USP47: variants seen among roughly 807,000 people sequenced by gnomAD.
USP47 encodes ubiquitin carboxyl-terminal hydrolase 47.
Under a neutral mutation model 165.1 loss-of-function variants are expected in USP47, and 35 were observed. The observed-to-expected ratio is 0.21, with a 90% CI of 0.16 to 0.28. The LOEUF (loss-of-function observed/expected upper bound fraction) is 0.28. Ranked by LOEUF, USP47 falls within the 10% of genes least tolerant of loss-of-function variation. USP47 has a pLI of 1.00. For missense variants in USP47, 1,277 were observed against 1,607.4 expected (o/e 0.79, Z 3.52); for synonymous variants, 531 against 544.5 (o/e 0.98, Z 0.35).
chr11:11,914,917 T>C (rs190843533), intron 8 of USP47, among the ~76,000 whole-genome samples: 15 of 152,304 alleles, frequency 9.8e-5, no homozygotes, highest in East Asian at 1.9e-4. Context: ...TGAAATGTTA[T>C]GGGTAGTTTC....
intron 25 of USP47, among the ~76,000 whole-genome samples, chr11:11,953,300 A>C (rs1179442570): frequency 6.6e-6 from 1 of 152,202 alleles, no homozygotes; most frequent in African/African-American, 2.4e-5. Flanking sequence ...GGAAAGGGTG[A>C]ATTAGTCAAT....
chr11:11,905,477 C>T lies in USP47; in HGVS notation c.898C>T (p.Arg300Ter). ...TCTGGAATGTGGTTATGAGGGCTGG[C>T]GAATCGACACATATCTTGATATTCC... ...RCLECGYEGWRIDTYLDIPLV... is the reference protein window; with the variant it reads ...RCLECGYEGW The change falls in exon 8 of 28, where the codon CGA (arginine) becomes TGA (stop). Residue 300 changes from arginine (R) to a stop codon, truncating the protein, a stop_gained. Transcript: ENST00000527733. LOFTEE classifies it high-confidence loss of function. The T allele has an allele frequency of 6.2e-7, 1 of 1,610,262 alleles. No individual in the cohort carries two copies. Among genetic ancestry groups the T allele is most frequent in the Non-Finnish European group, 8.5e-7 (1 of 1,177,422 alleles).
chr11:11,857,736 G>A lies in USP47; in HGVS notation c.39+15512G>A, dbSNP rs147260021. ...CTTTGCAGACCCCTACCTTTTCTGC[G>A]TGGCAGATGGAAAATTGAAAGTACC... is the stretch of plus-strand genomic sequence containing the variant. On this transcript the variant is annotated intron_variant, in intron 1 of 27. Transcript: ENST00000527733. 5.4e-4 allele frequency among the ~76,000 whole-genome samples: 82 copies of A among 152,298 alleles called. 1 individual carries two copies. The highest frequency in any genetic ancestry group is 1.9e-3 in the African/African-American group (77 of 41,562).
Position 11,905,526 on chromosome 11 carries a change from C to A in USP47, c.947C>A (p.Ser316Tyr). Residue 316 changes from serine (S) to tyrosine (Y), a missense_variant, in exon 8 of 28, where the codon TCC (serine) becomes TAC (tyrosine). Physicochemically the swap from Ser to Tyr is moderately radical, Grantham distance 144 (BLOSUM62 -2). Coordinates refer to ENST00000527733, the MANE Select transcript of USP47 (RefSeq NM_001282659.2). ...CCATTGGTCATCCGACCTTATGGGT[C>A]CAGCCAAGCATTTGCTAGTGTGGTG... ...DIPLVIRPYG[S>Y]SQAFASVEEA... 1 of 1,607,226 alleles carries A rather than the reference C, an allele frequency of 6.2e-7. No individual in the cohort carries two copies. The highest frequency in any genetic ancestry group is 8.5e-7 in the Non-Finnish European group (1 of 1,175,320).
At chr11:11,934,585 T>G (rs1298794476) in intron 16 of USP47, among the ~76,000 whole-genome samples, 1 of 152,118 alleles carries the variant, frequency 6.6e-6, no homozygotes, top group Admixed American at 6.6e-5. Flanking sequence ...GCAAAAGTGC[T>G]GAGGTGAGGA....
intron 8 of USP47, among the ~76,000 whole-genome samples, chr11:11,919,749 T>G (rs1853692162): frequency 6.6e-6 from 1 of 151,904 alleles, no homozygotes; most frequent in Admixed American, 6.6e-5. Context: ...TAGAGAACAT[T>G]GATATTTACT....
At chr11:11,916,962 C>T (rs1853466741) in intron 8 of USP47, among the ~76,000 whole-genome samples, 1 of 145,304 alleles carries the variant, frequency 6.9e-6, no homozygotes, top group African/African-American at 2.9e-5. Context: ...CCAGTTTGGG[C>T]AACATATTGA....
At chr11:11,936,124 C>A (rs1363773196) in intron 16 of USP47, among the ~76,000 whole-genome samples, 179 bp from the exon 17 acceptor site, 1 of 151,534 alleles carries the variant, frequency 6.6e-6, no homozygotes. Flanking sequence ...TTAAAAATAA[C>A]ATTTAAGTTG....
At chr11:11,871,649 A>C (rs1414884572) in intron 1 of USP47, among the ~76,000 whole-genome samples, 1 of 151,966 alleles carries the variant, frequency 6.6e-6, no homozygotes, top group African/African-American at 2.4e-5. Context: ...AAATCAGCCA[A>C]ACACTCTAGG....
chr11:11,901,732 G>A (rs1284113253), intron 5 of USP47, among the ~76,000 whole-genome samples: 1 of 152,112 alleles, frequency 6.6e-6, no homozygotes, highest in African/African-American at 2.4e-5. Context: ...GCAGAGGTGG[G>A]TGGATCACTT....
rs371299353 is a variant in USP47 at position 11,901,882 on chromosome 11, C to G, written c.594-833C>G. Among the ~76,000 whole-genome samples the G allele has an allele frequency of 2.3e-4, 35 of 151,284 alleles. No homozygotes were observed. The South Asian group carries it at 7.3e-3, about 32-fold the overall frequency. ...GCTGAGACAGGAGAATCGCTTAAAACCAGGAGGCAGAGATTGCAGTGAGCC... is the reference window on the plus strand; with the variant it reads ...GCTGAGACAGGAGAATCGCTTAAAAGCAGGAGGCAGAGATTGCAGTGAGCC... On this transcript the variant is annotated intron_variant, in intron 5 of 27. Transcript: ENST00000527733.
chr11:11,842,879 C>T (rs79265814), intron 1 of USP47, among the ~76,000 whole-genome samples: 1,565 of 145,498 alleles, frequency 0.011, 22 homozygotes, highest in African/African-American at 0.028. Context: ...GTTGTGTATG[C>T]CAATTTGAGT....
intron 4 of USP47, among the ~76,000 whole-genome samples, chr11:11,896,278 A>G (rs1461369489): frequency 6.6e-6 from 1 of 152,218 alleles, no homozygotes; most frequent in Non-Finnish European, 1.5e-5. Flanking sequence ...AAGGGAAACA[A>G]GGTCACAAAC....
intron 8 of USP47, among the ~76,000 whole-genome samples, chr11:11,911,955 A>G (rs1853027517): frequency 6.6e-6 from 1 of 152,142 alleles, no homozygotes; most frequent in Non-Finnish European, 1.5e-5. Flanking sequence ...AACACTTGGG[A>G]AATAACACTT....
In USP47 at chr11:11,959,593, G is replaced by A. The variant is rs905480549; in HGVS notation, c.*3418G>A. Among the ~76,000 whole-genome samples, 25 of 152,200 alleles carry A rather than the reference G, an allele frequency of 1.6e-4. No individual in the cohort carries two copies. The highest frequency in any genetic ancestry group is 6.0e-4 in the African/African-American group (25 of 41,438). ...GGCTGTGATCATTTGGTTAGATACAGCATTAATTGTCACAACTTGACTTTC... is the reference window on the plus strand; with the variant it reads ...GGCTGTGATCATTTGGTTAGATACAACATTAATTGTCACAACTTGACTTTC... On this transcript the variant is annotated 3_prime_UTR_variant, in exon 28 of 28. Transcript: ENST00000527733.
intron 14 of USP47, among the ~76,000 whole-genome samples, chr11:11,931,450 A>T (rs1348009408): frequency 6.6e-6 from 1 of 152,196 alleles, no homozygotes; most frequent in East Asian, 1.9e-4. Context: ...TCATTTCAGA[A>T]CAGAGATTTA....
At position 11,942,693 on chromosome 11, in the gene USP47, C is replaced by T. The variant is rs1231649406; in HGVS notation, c.2672C>T (p.Pro891Leu). 1.2e-6 allele frequency: 2 copies of T among 1,613,554 alleles called. No individual in the cohort carries two copies. The highest frequency in any genetic ancestry group is 1.7e-6 in the Non-Finnish European group (2 of 1,179,752). The change falls in exon 20 of 28, where the codon CCT (proline) becomes CTT (leucine). Residue 891 changes from proline to leucine, a missense_variant. Coordinates refer to ENST00000527733, the MANE Select transcript of USP47 (RefSeq NM_001282659.2). ...ETSDFENIES[P>L]LNERDSSASV... Reference sequence around the variant, plus strand: ...AGTGACTTTGAAAACATCGAATCACCTCTCAATGAGAGGGACTCTTCAGCA... The same window carrying T: ...AGTGACTTTGAAAACATCGAATCACTTCTCAATGAGAGGGACTCTTCAGCA...
At chr11:11,873,568 T>C (rs2134259706) in intron 1 of USP47, among the ~76,000 whole-genome samples, 1 of 152,238 alleles carries the variant, frequency 6.6e-6, no homozygotes, top group South Asian at 2.1e-4. Flanking sequence ...AAGCTATCAT[T>C]CTTTATTAAA....
intron 4 of USP47, among the ~76,000 whole-genome samples, chr11:11,896,041 T>G (rs1203640750): frequency 6.6e-6 from 1 of 152,236 alleles, no homozygotes; most frequent in Non-Finnish European, 1.5e-5. Flanking sequence ...TCATTAGCAC[T>G]TTTAATAGTG....
Sources: allele counts gnomAD v4.1 joint callset (sites outside exome capture counted in the v4.1 genomes callset), GRCh38; gene constraint gnomAD v4.1.1; transcripts MANE v1.5; gene names NCBI Gene and HGNC (gene_info 2026-07-23, HGNC 2026-07-21).